SORBS3: variants seen among roughly 807,000 people sequenced by gnomAD.
SORBS3 encodes vinexin.
In SORBS3, 69 loss-of-function variants were observed where a neutral mutation model predicts 98.0. That is an observed-to-expected ratio of 0.70 (90% CI 0.58 to 0.86). SORBS3 has a LOEUF of 0.86. SORBS3 is among the 40% of genes least tolerant of loss of function. The pLI, the probability that SORBS3 is intolerant of heterozygous loss-of-function variation, is 0.00. For missense variants in SORBS3, 954 were observed against 908.5 expected (o/e 1.05, Z -0.64); for synonymous variants, 394 against 355.4 (o/e 1.11, Z -1.22).
At chr8:22,547,150 C>T (rs1840024509), upstream of SORBS3, among the ~76,000 whole-genome samples, 2 of 152,192 alleles carry the variant, frequency 1.3e-5, no homozygotes, top group African/African-American at 4.8e-5. Flanking sequence ...AATGTCCCTA[C>T]ACCTTAGCTA....
chr8:22,568,726 C>T (rs753481817), intron 16 of SORBS3, among the ~76,000 whole-genome samples: 5 of 152,150 alleles, frequency 3.3e-5, no homozygotes, highest in African/African-American at 9.7e-5. Context: ...AGAACCGAGA[C>T]GCTGGAACCC....
chr8:22,560,676 C>T (rs540123848), intron 5 of SORBS3, among the ~76,000 whole-genome samples: 9 of 151,982 alleles, frequency 5.9e-5, no homozygotes, highest in African/African-American at 2.2e-4. Context: ...TTTAGGGAGA[C>T]GGGGAGTAGG....
rs367966587 is a variant in SORBS3, at chr8:22,565,227, G to A, written c.817-41G>A. On this transcript the variant is annotated intron_variant, in intron 10 of 20. Transcript: ENST00000240123. ...TTTGACCGCTGCCTCCCACCCCCAC[G>A]GTGCGCTGCCCCTCACTGCCCAGCC... The A allele has an allele frequency of 1.9e-4, 285 of 1,516,222 alleles. No individual in the cohort carries two copies. In the African/African-American group the frequency reaches 3.3e-3, roughly 17 times the overall value. 93.9% of individuals were successfully genotyped at this position (1,516,222 alleles called of 1,614,324 possible). A position where few individuals can be genotyped will look rare whatever the true frequency, so the allele number is the denominator to read the frequency against.
rs1206580467 is a variant in SORBS3, at chr8:22,571,155, G to A, written c.1677G>A (p.Gly559=). 6.3e-7 allele frequency: 1 copy of A among 1,592,650 alleles called. No homozygotes were observed. Among genetic ancestry groups the A allele is most frequent in the Admixed American group, 1.7e-5 (1 of 59,602 alleles). ...LRSPADPIDL[G]GQTSPRRTGF... is the part of the protein sequence containing the mutation. ...GCCCAGCTGACCCCATCGACTTGGG[G>A]GGACAGACCTCCCCCCGTCGCACTG... Residue 559 remains glycine, a synonymous_variant, in exon 18 of 21, where the codon GGG becomes GGA. Transcript: ENST00000240123.
intron 7 of SORBS3, 113 bp downstream of exon 7, chr8:22,562,044 A>T: frequency 2.1e-6 from 2 of 943,552 alleles, no homozygotes; most frequent in Non-Finnish European, 3.4e-6. Context: ...CCCAGCCAGG[A>T]GTGGGGTCTC....
Position 22,574,698 on chromosome 8 carries a change from G to T in SORBS3, c.1986G>T (p.Thr662=). 1 of 1,611,366 alleles carries T rather than the reference G, an allele frequency of 6.2e-7. No homozygotes were observed. Among genetic ancestry groups the T allele is most frequent in the Non-Finnish European group, 8.5e-7 (1 of 1,178,510 alleles). Residue 662 remains threonine, a synonymous_variant, in exon 21 of 21, where the codon ACG becomes ACT. Coordinates refer to ENST00000240123, the MANE Select transcript of SORBS3 (RefSeq NM_005775.5). Reference sequence around the variant, plus strand: ...CCCGGAGGACCCAGAAATTCGGAACGTTCCCTGGAAATTACGTTGCCCCGG... The same window carrying T: ...CCCGGAGGACCCAGAAATTCGGAACTTTCCCTGGAAATTACGTTGCCCCGG... The part of the protein sequence containing the change: ...GVSRRTQKFG[T]FPGNYVAPV
At chr8:22,564,792 G>A in intron 10 of SORBS3, 1 of 1,361,620 alleles carries the variant, frequency 7.3e-7, no homozygotes, top group Non-Finnish European at 9.5e-7. Flanking sequence ...TATTCTTGGA[G>A]GTGGAGCTGG....
chr8:22,553,544 C>T (rs1173700629), intron 1 of SORBS3, among the ~76,000 whole-genome samples: 1 of 152,204 alleles, frequency 6.6e-6, no homozygotes, highest in East Asian at 1.9e-4. Context: ...CCTCCATTCC[C>T]TGGGTGCCTA....
At chr8:22,561,395 T>G in intron 6 of SORBS3, 22 bp downstream of exon 6, 1 of 1,612,670 alleles carries the variant, frequency 6.2e-7, no homozygotes, top group African/African-American at 1.3e-5. Context: ...CGGGCCCACC[T>G]GCCTGCCATA....
At chr8:22,570,381 C>A (rs1246466633) in intron 17 of SORBS3, among the ~76,000 whole-genome samples, 1 of 152,216 alleles carries the variant, frequency 6.6e-6, no homozygotes, top group Non-Finnish European at 1.5e-5. Flanking sequence ...ACGCTCATGA[C>A]AAGGTCCCCC....
At chr8:22,556,971 CTGT>C in intron 4 of SORBS3, 63 bp downstream of exon 4, 1 of 1,564,914 alleles carries the variant, frequency 6.4e-7, no homozygotes, top group Non-Finnish European at 8.7e-7. Context: ...AGCTGCACTT[CTGT>C]GCATTAAAAT....
chr8:22,570,105 G>A (rs1746960434), intron 17 of SORBS3, among the ~76,000 whole-genome samples: 4 of 152,186 alleles, frequency 2.6e-5, no homozygotes, highest in Admixed American at 2.6e-4. Context: ...TAGAAAGCAG[G>A]GAAGTGGTCT....
intron 3 of SORBS3, 100 bp from the exon 4 acceptor site, chr8:22,556,615 T>G (rs1386469841): frequency 3.8e-6 from 4 of 1,052,490 alleles, no homozygotes; most frequent in Admixed American, 2.0e-5. Flanking sequence ...TGTTGAAACT[T>G]TGAACCCACA....
chr8:22,573,316 A>G (rs1379502155), intron 20 of SORBS3: 6 of 453,446 alleles, frequency 1.3e-5, no homozygotes, highest in Non-Finnish European at 2.7e-5. Context: ...TTTTACAACT[A>G]CTAATAAAGT....
chr8:22,573,636 C>T (rs1586910997), intron 20 of SORBS3, among the ~76,000 whole-genome samples: 1 of 125,102 alleles, frequency 8.0e-6, no homozygotes, highest in Non-Finnish European at 1.6e-5. Flanking sequence ...TTGGGGAGGC[C>T]AAGAGGAAAG....
At chr8:22,570,091 G>A (rs1018900191) in intron 17 of SORBS3, among the ~76,000 whole-genome samples, 4 of 152,210 alleles carry the variant, frequency 2.6e-5, no homozygotes, top group African/African-American at 9.6e-5. Flanking sequence ...GAAAAATGCT[G>A]TTCTAGAAAG....
rs375833088 is a variant in SORBS3, at chr8:22,545,982, T to C, written n.144+853T>C. ...ATTTTCCAAGAAGGGGCCCCAGTATTCCTTCCTAAATGGTGAGGTGGTCAA... is the reference window on the plus strand; with the variant it reads ...ATTTTCCAAGAAGGGGCCCCAGTATCCCTTCCTAAATGGTGAGGTGGTCAA... On this transcript the variant is annotated intron_variant and non_coding_transcript_variant, in intron 1 of 4. Transcript: ENST00000522037. Among the ~76,000 whole-genome samples the C allele has an allele frequency of 6.5e-3, 990 of 152,330 alleles. 7 individuals are homozygous for C. Among genetic ancestry groups the C allele is most frequent in the South Asian group, 0.027 (130 of 4,822 alleles).
chr8:22,570,773 G>T, intron 17 of SORBS3, 137 bp from the exon 18 acceptor site: 1 of 732,798 alleles, frequency 1.4e-6, no homozygotes, highest in Non-Finnish European at 2.1e-6. Context: ...GTGTGACTCG[G>T]GTAAACTGCT....
rs368812801 is a variant in SORBS3 at position 22,572,463 on chromosome 8, G to A, written c.1954+17G>A. Reference sequence around the variant, plus strand: ...GGTTTGTGGGTATGTGGGCAGGCCGGGAGGGGGCATCTCAGGGCCCCAGGG... The same window carrying A: ...GGTTTGTGGGTATGTGGGCAGGCCGAGAGGGGGCATCTCAGGGCCCCAGGG... On this transcript the variant is annotated intron_variant, in intron 20 of 20. Coordinates refer to ENST00000240123, the MANE Select transcript of SORBS3 (RefSeq NM_005775.5). 1 of 1,592,298 alleles carries A rather than the reference G, an allele frequency of 6.3e-7. No individual in the cohort carries two copies. The highest frequency in any genetic ancestry group is 8.6e-7 in the Non-Finnish European group (1 of 1,160,736).
Sources: gnomAD v4.1 joint callset for allele counts (sites outside exome capture counted in the v4.1 genomes callset) on GRCh38, gnomAD v4.1.1 for gene constraint, MANE v1.5 for transcripts, NCBI Gene and HGNC (gene_info 2026-07-23, HGNC 2026-07-21) for gene names.